The following NCKAP5 variants were observed in gnomAD, a reference collection of about 807,000 sequenced individuals.
The protein encoded by NCKAP5 is NCK associated protein 5, also known as nck-associated protein 5.
Under a neutral mutation model 167.0 loss-of-function variants are expected in NCKAP5, and 92 were observed. The ratio of observed to expected loss-of-function variants is 0.55; its 90% CI spans 0.47 to 0.66. The LOEUF (loss-of-function observed/expected upper bound fraction) is 0.66, where lower values mean the gene tolerates loss of function less well. Among genes scored for constraint, NCKAP5 ranks in the 30% least tolerant of loss-of-function variants. The pLI is 0.00. For missense variants in NCKAP5, 2,378 were observed against 2,315.0 expected (o/e 1.03, Z -0.56); for synonymous variants, 891 against 877.4 (o/e 1.02, Z -0.27).
chr2:133,161,208 C>T (rs946275339), intron 5 of NCKAP5, among the ~76,000 whole-genome samples: 12 of 152,098 alleles, frequency 7.9e-5, no homozygotes, highest in African/African-American at 2.7e-4. Context: ...CAACTTCCAC[C>T]CCCAGCCCAT....
intron 2 of NCKAP5, among the ~76,000 whole-genome samples, chr2:133,542,293 A>T (rs2104892814): frequency 6.6e-6 from 1 of 152,298 alleles, no homozygotes; most frequent in East Asian, 1.9e-4. Flanking sequence ...GTCATTAAGT[A>T]TTCTTCCACA....
chr2:133,115,404 A>G (rs1042034756), intron 6 of NCKAP5, among the ~76,000 whole-genome samples: 1 of 152,142 alleles, frequency 6.6e-6, no homozygotes, highest in Non-Finnish European at 1.5e-5. Flanking sequence ...GTGTACAAGC[A>G]TCTGTTTTCA....
At chr2:133,262,147 T>G (rs2088938943) in intron 4 of NCKAP5, among the ~76,000 whole-genome samples, 1 of 152,092 alleles carries the variant, frequency 6.6e-6, no homozygotes, top group Non-Finnish European at 1.5e-5. Flanking sequence ...TGCACATAAT[T>G]TTTTTTTATT....
At chr2:132,876,790 T>C (rs1156754096) in intron 9 of NCKAP5, among the ~76,000 whole-genome samples, 1 of 152,244 alleles carries the variant, frequency 6.6e-6, no homozygotes, top group Non-Finnish European at 1.5e-5. Flanking sequence ...GGAAACTTTA[T>C]ATGAAATGAT....
At chr2:133,168,033 TATG>T (rs1478288095) in intron 5 of NCKAP5, among the ~76,000 whole-genome samples, 2 of 152,170 alleles carry the variant, frequency 1.3e-5, no homozygotes, top group African/African-American at 2.4e-5. Flanking sequence ...AAGCGCTTTA[TATG>T]ATAATTCTTT....
intron 4 of NCKAP5, among the ~76,000 whole-genome samples, chr2:133,288,394 A>G (rs1679320405): frequency 6.6e-6 from 1 of 152,208 alleles, no homozygotes; most frequent in Non-Finnish European, 1.5e-5. Context: ...AAACAAGAAA[A>G]TCAATTTGCC....
chr2:132,858,376 A>C (rs940994842), intron 11 of NCKAP5, among the ~76,000 whole-genome samples: 1 of 152,236 alleles, frequency 6.6e-6, no homozygotes, highest in African/African-American at 2.4e-5. Context: ...CTCCAGAACA[A>C]TGAATTATTA....
At chr2:133,535,167 C>T (rs1685662887) in intron 2 of NCKAP5, among the ~76,000 whole-genome samples, 1 of 152,134 alleles carries the variant, frequency 6.6e-6, no homozygotes, top group Admixed American at 6.6e-5. Context: ...TCAGGAGATA[C>T]ATATGCAAGT....
intron 2 of NCKAP5, among the ~76,000 whole-genome samples, chr2:133,543,344 G>A (rs1686385284): frequency 6.6e-6 from 1 of 152,126 alleles, no homozygotes; most frequent in African/African-American, 2.4e-5. Context: ...CAGCAGAACT[G>A]TGACCCAATT....
intron 6 of NCKAP5, among the ~76,000 whole-genome samples, chr2:133,043,965 T>C (rs1469732007): frequency 6.6e-6 from 1 of 151,724 alleles, no homozygotes; most frequent in Non-Finnish European, 1.5e-5. Flanking sequence ...TCCTCACAAA[T>C]GGAATATTAA....
At chr2:133,255,998 T>C (rs751724261) in intron 4 of NCKAP5, among the ~76,000 whole-genome samples, 5 of 152,314 alleles carry the variant, frequency 3.3e-5, no homozygotes, top group Non-Finnish European at 4.4e-5. Context: ...TCTTCTATTA[T>C]GTAAATAAAC....
intron 11 of NCKAP5, among the ~76,000 whole-genome samples, chr2:132,819,848 CA>C (rs1686574151): frequency 6.6e-6 from 1 of 152,188 alleles, no homozygotes; most frequent in South Asian, 2.1e-4. Flanking sequence ...ATTCACACGA[CA>C]AAACCTGAAT....
intron 11 of NCKAP5, among the ~76,000 whole-genome samples, chr2:132,804,429 T>C (rs1277901939): frequency 6.6e-6 from 1 of 152,228 alleles, no homozygotes. Context: ...TAAAATTATC[T>C]ACACTGCATT....
chr2:133,248,352 T>C (rs901297898), intron 4 of NCKAP5, among the ~76,000 whole-genome samples: 1 of 152,220 alleles, frequency 6.6e-6, no homozygotes, highest in Non-Finnish European at 1.5e-5. Flanking sequence ...TTCTACCTTA[T>C]CCTCAAACAA....
intron 5 of NCKAP5, among the ~76,000 whole-genome samples, chr2:133,155,021 C>T (rs965749778): frequency 1.3e-4 from 20 of 152,176 alleles, no homozygotes; most frequent in Admixed American, 1.3e-3. Flanking sequence ...AGGTTTGAAC[C>T]ATTATGCCTA....
rs764415865 is a variant in NCKAP5, at chr2:132,785,494, A to G, written c.1317T>C (p.Pro439=). The change falls in exon 14 of 20, where the codon CCT becomes CCC. Residue 439 remains proline (P), a synonymous_variant. Transcript: ENST00000409261. The part of the protein sequence containing the change: ...CMNSNEGIYS[P]GIKSSSLKEY... ...CCTTGAGGCTGCTACTTTTAATTCCAGGAGAATATATTCCTTCATTCGAGT... is the reference window on the plus strand; with the variant it reads ...CCTTGAGGCTGCTACTTTTAATTCCGGGAGAATATATTCCTTCATTCGAGT... The G allele has an allele frequency of 1.9e-6, 3 of 1,613,134 alleles. No individual in the cohort carries two copies. The highest frequency in any genetic ancestry group is 2.5e-6 in the Non-Finnish European group (3 of 1,179,470).
intron 8 of NCKAP5, among the ~76,000 whole-genome samples, chr2:132,917,353 C>T (rs1694965985): frequency 6.6e-6 from 1 of 152,142 alleles, no homozygotes; most frequent in African/African-American, 2.4e-5. Context: ...CGTTTGGCTG[C>T]TCATCATAAT....
the NCKAP5 span, among the ~76,000 whole-genome samples, chr2:133,665,382 T>C: frequency 1.3e-5 from 2 of 152,196 alleles, no homozygotes; most frequent in Non-Finnish European, 2.9e-5. Context: ...ATTTCAATAC[T>C]GTTGTGTCTC....
intron 16 of NCKAP5, among the ~76,000 whole-genome samples, chr2:132,757,000 G>T (rs1680611771): frequency 6.6e-6 from 1 of 152,030 alleles, no homozygotes; most frequent in Admixed American, 6.5e-5. Context: ...CAATAACATC[G>T]CCAGAGTATA....
Sources: gnomAD v4.1 joint callset for allele counts (sites outside exome capture counted in the v4.1 genomes callset) on GRCh38, gnomAD v4.1.1 for gene constraint, MANE v1.5 for transcripts, NCBI Gene and HGNC (gene_info 2026-07-23, HGNC 2026-07-21) for gene names.